The following ANKRD11 variants were observed in gnomAD, a reference collection of about 807,000 sequenced individuals.
The protein encoded by ANKRD11 is ankyrin repeat domain-containing protein 11.
In ANKRD11, 17 loss-of-function variants were observed where a neutral mutation model predicts 195.7. The ratio of observed to expected loss-of-function variants is 0.09; its 90% CI spans 0.06 to 0.13. ANKRD11 has a LOEUF of 0.13. ANKRD11 is among the 10% of genes least tolerant of loss of function. The probability of loss-of-function intolerance (pLI) is 1.00; values close to 1 mark genes in which losing one functional copy is unlikely to be tolerated. For missense variants in ANKRD11, 3,735 were observed against 3,566.1 expected, an observed-to-expected ratio of 1.05 and a Z score of -1.21; for synonymous variants, 1,953 against 1,528.1, an observed-to-expected ratio of 1.28 and a Z score of -6.49.
At chr16:89,353,536 G>A (rs1264031868) in intron 2 of ANKRD11, among the ~76,000 whole-genome samples, 3 of 151,662 alleles carry the variant, frequency 2.0e-5, no homozygotes, top group Non-Finnish European at 4.4e-5. Context: ...GGAGTACAGT[G>A]GTGCAATCTC....
At chr16:89,414,386 C>A (rs1207709418) in intron 2 of ANKRD11, among the ~76,000 whole-genome samples, 1 of 152,206 alleles carries the variant, frequency 6.6e-6, no homozygotes, top group Non-Finnish European at 1.5e-5. Flanking sequence ...CACGGCCACA[C>A]TCACTGGGAA....
chr16:89,432,970 CT>C (rs1240068709), intron 1 of ANKRD11, among the ~76,000 whole-genome samples: 5 of 149,038 alleles, frequency 3.4e-5, no homozygotes, highest in African/African-American at 1.3e-4. Context: ...CTCTCTCTCT[CT>C]CTCTCTCTCT....
intron 1 of ANKRD11, among the ~76,000 whole-genome samples, chr16:89,435,796 TCACACA>T (rs58503159): frequency 0.012 from 1,696 of 143,098 alleles, 18 homozygotes; most frequent in East Asian, 0.029. Context: ...CACCAGCTCT[TCACACA>T]CACACACACA....
At position 89,279,129 on chromosome 16, in the gene ANKRD11, G is replaced by A. The variant is rs1043958583; in HGVS notation, c.7413C>T (p.Thr2471=). 6.2e-7 allele frequency: 1 copy of A among 1,613,898 alleles called. No individual in the cohort carries two copies. Among genetic ancestry groups the A allele is most frequent in the South Asian group, 1.1e-5 (1 of 91,086 alleles). Residue 2471 remains threonine, a synonymous_variant, in exon 9 of 13, where the codon ACC becomes ACT. Transcript: ENST00000301030. The surrounding 1 kb of genome is among the most constrained non-coding windows in gnomAD (Gnocchi z 5.6). Reference sequence around the variant, plus strand: ...CGTCCAGGAGGTAGGAGCCCGTGTAGGTGACGTACTCGGCGTAGCACTGGG... The same window carrying A: ...CGTCCAGGAGGTAGGAGCCCGTGTAAGTGACGTACTCGGCGTAGCACTGGG... ...QAPQCYAEYV[T]YTGSYLLDGK... is the part of the protein sequence containing the mutation.
At chr16:89,278,628 A>T (rs1265039736) in intron 9 of ANKRD11, 1 of 460,134 alleles carries the variant, frequency 2.2e-6, no homozygotes, top group Non-Finnish European at 4.4e-6. Context: ...GAGGTGGGGG[A>T]AGGGACTCAT....
chr16:89,438,415 G>A (rs897274232), intron 1 of ANKRD11, among the ~76,000 whole-genome samples: 3 of 152,026 alleles, frequency 2.0e-5, no homozygotes, highest in African/African-American at 7.2e-5. Flanking sequence ...CGCCTCCTGG[G>A]TTCAAGCAAT....
chr16:89,381,093 C>G (rs2040625230), intron 2 of ANKRD11, among the ~76,000 whole-genome samples: 1 of 152,072 alleles, frequency 6.6e-6, no homozygotes, highest in African/African-American at 2.4e-5. Flanking sequence ...GAGGCCGAGG[C>G]AGGTGGATCA....
intron 1 of ANKRD11, among the ~76,000 whole-genome samples, chr16:89,424,107 G>A (rs534632698): frequency 2.6e-5 from 4 of 152,024 alleles, no homozygotes; most frequent in South Asian, 2.1e-4. Flanking sequence ...TGACTGCCCC[G>A]GGTGTACCTG....
chr16:89,268,572 G>A lies in ANKRD11; in HGVS notation c.7898C>T (p.Pro2633Leu). The A allele has an allele frequency of 6.5e-7, 1 of 1,535,620 alleles. No homozygotes were observed. Residue 2633 changes from proline to leucine, a missense_variant, in exon 13 of 13, where the codon CCC (proline) becomes CTC (leucine). Coordinates refer to ENST00000301030, the MANE Select transcript of ANKRD11 (RefSeq NM_013275.6). ...CACGCACAGGGACTTGTGCCCGGCG[G>A]GGTCCAGTTCCTGCACCTTCAGCTG... ...EWQLKVQELD[P>L]AGHKSLCVNE...
At chr16:89,350,790 C>T (rs2039177341) in intron 2 of ANKRD11, among the ~76,000 whole-genome samples, 1 of 152,174 alleles carries the variant, frequency 6.6e-6, no homozygotes, top group East Asian at 1.9e-4. Flanking sequence ...ACATGATGCT[C>T]ATGTTGAGTG....
chr16:89,403,421 C>T (rs954355142), intron 2 of ANKRD11, among the ~76,000 whole-genome samples: 2 of 152,094 alleles, frequency 1.3e-5, no homozygotes, highest in African/African-American at 2.4e-5. Context: ...GAGGGCAGAG[C>T]GGGGAACCCA....
At chr16:89,274,503 G>A (rs147391237) in intron 11 of ANKRD11, among the ~76,000 whole-genome samples, 2 of 152,208 alleles carry the variant, frequency 1.3e-5, no homozygotes, top group African/African-American at 2.4e-5. Flanking sequence ...GCTGACACCC[G>A]TGAGAGGTAG....
intron 4 of ANKRD11, chr16:89,301,672 CGTCTGCCTGG>C (rs2035863206): frequency 5.0e-6 from 2 of 398,708 alleles, no homozygotes; most frequent in Admixed American, 8.8e-5. Flanking sequence ...CACATGCTCA[CGTCTGCCTGG>C]ACAGCCTCCA....
intron 2 of ANKRD11, among the ~76,000 whole-genome samples, chr16:89,387,347 C>A (rs1452300001): frequency 6.6e-6 from 1 of 152,046 alleles, no homozygotes; most frequent in African/African-American, 2.4e-5. Flanking sequence ...AGGCCTCCCA[C>A]TCTGCACCAC....
At chr16:89,310,557 T>C (rs2036554882) in intron 3 of ANKRD11, among the ~76,000 whole-genome samples, 1 of 152,236 alleles carries the variant, frequency 6.6e-6, no homozygotes, top group African/African-American at 2.4e-5. Flanking sequence ...TTTTGAGGGT[T>C]TCCTGATCTA....
chr16:89,384,879 C>CTTTTCTTTTTTT (rs2040833414), intron 2 of ANKRD11, among the ~76,000 whole-genome samples: 1 of 49,910 alleles, frequency 2.0e-5, no homozygotes, highest in Non-Finnish European at 3.5e-5. Flanking sequence ...AAATAGTTTT[C>CTTTTCTTTTTTT]TTTTTTTTTT....
At chr16:89,326,030 G>C (rs935083966) in intron 2 of ANKRD11, among the ~76,000 whole-genome samples, 3 of 152,232 alleles carry the variant, frequency 2.0e-5, no homozygotes, top group African/African-American at 7.2e-5. Flanking sequence ...CTGACAAGGA[G>C]ACACACAGCT....
rs2034204674 is a variant in ANKRD11, at chr16:89,281,190, G to A, written c.5352C>T (p.Ser1784=). The A allele has an allele frequency of 6.2e-7, 1 of 1,614,216 alleles. No homozygotes were observed. Among genetic ancestry groups the A allele is most frequent in the African/African-American group, 1.3e-5 (1 of 75,054 alleles). The part of the protein sequence containing the change: ...NASQAPARPL[S]TNLYRSVSVD... Reference sequence around the variant, plus strand: ...CAGAGACCGAGCGGTAAAGGTTTGTGGAGAGAGGCCTGGCAGGAGCCTGGC... The same window carrying A: ...CAGAGACCGAGCGGTAAAGGTTTGTAGAGAGAGGCCTGGCAGGAGCCTGGC... Residue 1784 remains serine (S), a synonymous_variant, in exon 9 of 13, where the codon TCC becomes TCT. Transcript: ENST00000301030. The surrounding 1 kb of genome is among the most constrained non-coding windows in gnomAD (Gnocchi z 5.5).
intron 9 of ANKRD11, among the ~76,000 whole-genome samples, 198 bp from the exon 10 acceptor site, chr16:89,275,389 C>T (rs1163477217): frequency 2.0e-5 from 3 of 152,234 alleles, no homozygotes; most frequent in Admixed American, 6.5e-5. Flanking sequence ...AGAGCGGACA[C>T]CTCCACGGTG....
Sources: allele counts gnomAD v4.1 joint callset (sites outside exome capture counted in the v4.1 genomes callset), GRCh38; gene constraint gnomAD v4.1.1; non-coding constraint Gnocchi (gnomAD v3.1); transcripts MANE v1.5; gene names NCBI Gene and HGNC (gene_info 2026-07-23, HGNC 2026-07-21).